Variants in ERICH1 observed in about 807,000 individuals in gnomAD.
The protein encoded by ERICH1 is glutamate rich 1.
A neutral mutation model predicts 39.6 loss-of-function variants in ERICH1; 56 were observed. The ratio of observed to expected loss-of-function variants is 1.41; its 90% CI spans 1.14 to 1.77. ERICH1 has a LOEUF of 1.77. Ranked by LOEUF, ERICH1 falls within the 40% of genes most tolerant of loss-of-function variation. The probability of loss-of-function intolerance (pLI) is 0.00; values close to 1 mark genes in which losing one functional copy is unlikely to be tolerated. For synonymous variants in ERICH1, 313 were observed against 223.6 expected, an observed-to-expected ratio of 1.40 and a Z score of -3.57; for missense variants, 826 against 575.4, an observed-to-expected ratio of 1.44 and a Z score of -4.45.
Position 715,528 on chromosome 8 carries a change from G to A in ERICH1, c.169+333C>T, listed in dbSNP as rs181289690. Among the ~76,000 whole-genome samples, 268 of 152,378 alleles carry A rather than the reference G, an allele frequency of 1.8e-3. 1 individual carries two copies. The highest frequency in any genetic ancestry group is 6.1e-3 in the African/African-American group (252 of 41,600). The stretch of plus-strand genomic sequence containing the variant: ...CCAAGGGGGCCACCACAGTGACTGG[G>A]GGCATGGTGTATGGTGGGGAAGGCG... On this transcript the variant is annotated intron_variant, in intron 2 of 5. Coordinates refer to ENST00000262109, the MANE Select transcript of ERICH1 (RefSeq NM_207332.3).
intron 3 of ERICH1, among the ~76,000 whole-genome samples, chr8:654,247 C>G (rs1800330280): frequency 6.6e-6 from 1 of 152,156 alleles, no homozygotes; most frequent in Non-Finnish European, 1.5e-5. Flanking sequence ...CCTGTTCATC[C>G]TAAGGCAACG....
rs539759951 is a variant in ERICH1, at chr8:673,455, C to T, written c.897G>A (p.Ala299=). ...ATGTCGGGTCTTCCTCGCTGGCGTC[C>T]GCACCGTCCTCCTCCCTGGTGTCTT... ...DGKDTREEDG[A]DASEEDPTWA... is the part of the protein sequence containing the mutation. The change falls in exon 4 of 6, where the codon GCG becomes GCA. Residue 299 remains alanine (A), a synonymous_variant. Coordinates refer to ENST00000262109, the MANE Select transcript of ERICH1 (RefSeq NM_207332.3). 155 of 1,613,506 alleles carry T rather than the reference C, an allele frequency of 9.6e-5. No individual in the cohort carries two copies. Among genetic ancestry groups the T allele is most frequent in the Non-Finnish European group, 1.2e-4 (140 of 1,179,892 alleles).
Position 673,313 on chromosome 8 carries a change from T to C in ERICH1, c.1039A>G (p.Thr347Ala), listed in dbSNP as rs1282449665. The change falls in exon 4 of 6, where the codon ACA becomes GCA. Residue 347 changes from threonine to alanine, a missense_variant. Physicochemically the swap from Thr to Ala is moderately conservative, Grantham distance 58. Coordinates refer to ENST00000262109, the MANE Select transcript of ERICH1 (RefSeq NM_207332.3). The part of the protein sequence containing the change: ...AHSILNFLKS[T>A]QEMYFYDGVS... ...CCGTCATAAAAATACATTTCCTGTG[T>C]TGACTTCAAAAAATTTAGAATACTG... 2 of 1,608,422 alleles carry C rather than the reference T, an allele frequency of 1.2e-6. No homozygotes were observed. Among genetic ancestry groups the C allele is most frequent in the African/African-American group, 2.7e-5 (2 of 74,830 alleles).
chr8:725,043 G>A (rs1818261689), intron 1 of ERICH1: 1 of 163,598 alleles, frequency 6.1e-6, no homozygotes, highest in South Asian at 1.3e-4. Flanking sequence ...CTGCTCACCT[G>A]CTGACCCCTC....
intron 3 of ERICH1, among the ~76,000 whole-genome samples, chr8:636,735 A>T (rs900793244): frequency 9.2e-5 from 14 of 152,342 alleles, no homozygotes; most frequent in African/African-American, 3.1e-4. Context: ...AACGGTGCAG[A>T]CCTGGCCTCG....
chr8:634,610 G>A (rs1022382511), intron 3 of ERICH1, among the ~76,000 whole-genome samples: 2 of 152,162 alleles, frequency 1.3e-5, no homozygotes, highest in African/African-American at 4.8e-5. Flanking sequence ...CGTGCAGTAG[G>A]TGCCCACTGT....
chr8:677,045 C>G (rs1805006140), intron 3 of ERICH1, among the ~76,000 whole-genome samples: 1 of 152,228 alleles, frequency 6.6e-6, no homozygotes, highest in Admixed American at 6.5e-5. Flanking sequence ...TCCTCTGTCT[C>G]AACAGCCTCA....
At chr8:687,959 G>A (rs1366544745) in intron 3 of ERICH1, among the ~76,000 whole-genome samples, 1 of 152,048 alleles carries the variant, frequency 6.6e-6, no homozygotes, top group East Asian at 1.9e-4. Flanking sequence ...ACATCCCGGC[G>A]GCGAGAAGGC....
chr8:714,042 C>T (rs1175112010), intron 2 of ERICH1, among the ~76,000 whole-genome samples: 1 of 82,706 alleles, frequency 1.2e-5, no homozygotes, highest in Non-Finnish European at 2.4e-5. Context: ...TGCACCCAGG[C>T]GGCCTCTTCC....
chr8:676,742 C>T (rs571929432), intron 3 of ERICH1, among the ~76,000 whole-genome samples: 33 of 152,338 alleles, frequency 2.2e-4, no homozygotes, highest in African/African-American at 7.5e-4. Context: ...CACACGGCTC[C>T]CGGGTGTTGC....
chr8:713,247 G>A (rs1194080300), intron 2 of ERICH1, among the ~76,000 whole-genome samples: 1 of 152,248 alleles, frequency 6.6e-6, no homozygotes, highest in African/African-American at 2.4e-5. Context: ...GAAGTATGGG[G>A]GGTTAGGGCT....
chr8:665,013 T>G (rs1801970849), intron 5 of ERICH1, among the ~76,000 whole-genome samples: 1 of 152,076 alleles, frequency 6.6e-6, no homozygotes, highest in South Asian at 2.1e-4. Context: ...AACCCACATA[T>G]AAACCGAAAT....
intron 3 of ERICH1, among the ~76,000 whole-genome samples, chr8:639,612 C>G (rs1393435362): frequency 2.0e-5 from 3 of 150,804 alleles, no homozygotes; most frequent in Non-Finnish European, 3.0e-5. Flanking sequence ...GATTCAGAGG[C>G]AGCCACCAAT....
At chr8:676,640 G>A (rs895056932) in intron 3 of ERICH1, among the ~76,000 whole-genome samples, 1 of 152,292 alleles carries the variant, frequency 6.6e-6, no homozygotes, top group Non-Finnish European at 1.5e-5. Context: ...AAGAACAGAC[G>A]GCACATGGCG....
intron 3 of ERICH1, among the ~76,000 whole-genome samples, chr8:652,150 C>T (rs1055266776): frequency 2.0e-5 from 3 of 152,182 alleles, no homozygotes; most frequent in African/African-American, 7.2e-5. Flanking sequence ...TCCATGCCAC[C>T]CCATCGACGC....
At chr8:682,817 T>C (rs145097366) in intron 3 of ERICH1, among the ~76,000 whole-genome samples, 1 of 152,220 alleles carries the variant, frequency 6.6e-6, no homozygotes, top group African/African-American at 2.4e-5. Flanking sequence ...TACGTGAAAG[T>C]AGGCTAGGCA....
At chr8:710,489 G>A (rs770876998) in intron 2 of ERICH1, among the ~76,000 whole-genome samples, 21 of 148,878 alleles carry the variant, frequency 1.4e-4, no homozygotes, top group African/African-American at 2.3e-4. Flanking sequence ...TCCAGTCCTC[G>A]GCATCGTACG....
Position 704,987 on chromosome 8 carries a change from A to C in ERICH1, c.169+10874T>G, listed in dbSNP as rs368991985. ...AAAAAAAGTTCAATATGGGCTCTTC[A>C]GTGAAAAAAGTTTACCAAAATGCAC... is the stretch of plus-strand genomic sequence containing the variant. On this transcript the variant is annotated intron_variant, in intron 2 of 5. Transcript: ENST00000262109. Among the ~76,000 whole-genome samples, 8 of 152,362 alleles carry C rather than the reference A, an allele frequency of 5.3e-5. No individual in the cohort carries two copies. In the East Asian group the frequency reaches 5.8e-4, roughly 11 times the overall value.
intron 3 of ERICH1, among the ~76,000 whole-genome samples, chr8:634,199 A>AACAAACAAACAAAAAAAT: frequency 6.6e-6 from 1 of 151,380 alleles, no homozygotes; most frequent in African/African-American, 2.4e-5. Flanking sequence ...AACAAAAAAA[A>AACAAACAAACAAAAAAAT]CCCTGATTCA....
Sources: gnomAD v4.1 joint callset for allele counts (sites outside exome capture counted in the v4.1 genomes callset) on GRCh38, gnomAD v4.1.1 for gene constraint, MANE v1.5 for transcripts, NCBI Gene and HGNC (gene_info 2026-07-23, HGNC 2026-07-21) for gene names.